RPH3AL: variants seen among roughly 807,000 people sequenced by gnomAD.
The protein encoded by RPH3AL is rab effector Noc2.
In RPH3AL, 38 loss-of-function variants were observed where a neutral mutation model predicts 43.1. The ratio of observed to expected loss-of-function variants is 0.88; its 90% CI spans 0.68 to 1.15. The LOEUF (loss-of-function observed/expected upper bound fraction) is 1.15, where lower values mean the gene tolerates loss of function less well. Among genes scored for constraint, RPH3AL ranks in the 50% most tolerant of loss-of-function variants. The probability of loss-of-function intolerance (pLI) is 0.00; values close to 1 mark genes in which losing one functional copy is unlikely to be tolerated. For synonymous variants in RPH3AL, 189 were observed against 176.3 expected (o/e 1.07, Z -0.57); for missense variants, 462 against 423.2 (o/e 1.09, Z -0.81).
At chr17:240,272 A>G (rs571041557) in intron 7 of RPH3AL, among the ~76,000 whole-genome samples, 1 of 151,646 alleles carries the variant, frequency 6.6e-6, no homozygotes, top group South Asian at 2.1e-4. Flanking sequence ...GTTGTAAGCT[A>G]TTCTCCACCT....
At chr17:325,621 C>A (rs551915686) in intron 3 of RPH3AL, among the ~76,000 whole-genome samples, 1 of 152,292 alleles carries the variant, frequency 6.6e-6, no homozygotes, top group African/African-American at 2.4e-5. Flanking sequence ...ACACCTTCAC[C>A]CACGTCCCCA....
At chr17:220,444 A>G (rs369465710) in intron 7 of RPH3AL, among the ~76,000 whole-genome samples, 4 of 104,396 alleles carry the variant, frequency 3.8e-5, no homozygotes, top group Non-Finnish European at 9.4e-5. Flanking sequence ...GAGACAATAG[A>G]CCCAAGCACA....
At chr17:315,140 C>A (rs1555518827) in intron 5 of RPH3AL, among the ~76,000 whole-genome samples, 2 of 151,018 alleles carry the variant, frequency 1.3e-5, no homozygotes, top group Admixed American at 6.6e-5. Flanking sequence ...TGTGCTCCAC[C>A]TCCATTGACC....
chr17:268,616 T>C (rs918645613), intron 6 of RPH3AL, among the ~76,000 whole-genome samples: 1 of 134,054 alleles, frequency 7.5e-6, no homozygotes, highest in Non-Finnish European at 1.6e-5. Context: ...GCTGAAGTAC[T>C]GTGGCACCAT....
In RPH3AL at chr17:327,548, C is replaced by T. The variant is rs767961222; in HGVS notation, c.-5G>A. 11 of 1,613,434 alleles carry T rather than the reference C, an allele frequency of 6.8e-6. No homozygotes were observed. The highest frequency in any genetic ancestry group is 1.7e-4 in the Middle Eastern group (1 of 6,060). ...GCCGAAGATGGTGTCGGCCATGGCT[C>T]GGAGCACCCGGCTGGGGGTGGGGAG... On this transcript the variant is annotated 5_prime_UTR_variant, in exon 3 of 10. Transcript: ENST00000331302.
intron 5 of RPH3AL, among the ~76,000 whole-genome samples, chr17:284,906 T>C (rs2151611424): frequency 6.6e-6 from 1 of 152,312 alleles, no homozygotes; most frequent in Non-Finnish European, 1.5e-5. Context: ...AGCTTCTTGC[T>C]GTACCCTCCC....
At chr17:267,637 G>T (rs1439776518) in intron 6 of RPH3AL, among the ~76,000 whole-genome samples, 1 of 152,158 alleles carries the variant, frequency 6.6e-6, no homozygotes, top group African/African-American at 2.4e-5. Context: ...TTTTGATTAC[G>T]TATTTGATTA....
intron 5 of RPH3AL, among the ~76,000 whole-genome samples, chr17:297,640 C>A (rs2043215816): frequency 6.6e-6 from 1 of 152,186 alleles, no homozygotes; most frequent in Non-Finnish European, 1.5e-5. Flanking sequence ...ATAGGAAAAA[C>A]CACTTTGCTT....
chr17:226,836 C>T (rs1171119691), intron 7 of RPH3AL, among the ~76,000 whole-genome samples: 1 of 152,218 alleles, frequency 6.6e-6, no homozygotes, highest in Non-Finnish European at 1.5e-5. Context: ...TACATCTGGC[C>T]CTTGCTCTTC....
At chr17:350,241 C>CT (rs1002026377) in intron 1 of RPH3AL, among the ~76,000 whole-genome samples, 4 of 152,188 alleles carry the variant, frequency 2.6e-5, no homozygotes, top group Non-Finnish European at 4.4e-5. Context: ...AATCCTAGCA[C>CT]TTTGGGAGGC....
chr17:309,703 T>C (rs2043596237), intron 5 of RPH3AL, among the ~76,000 whole-genome samples: 1 of 132,260 alleles, frequency 7.6e-6, no homozygotes, highest in Admixed American at 7.2e-5. Context: ...CCCAGGCTCC[T>C]GCCAGCCTCC....
chr17:317,687 A>C (rs1009641996), intron 5 of RPH3AL, among the ~76,000 whole-genome samples: 1 of 152,174 alleles, frequency 6.6e-6, no homozygotes, highest in Non-Finnish European at 1.5e-5. Context: ...CCCTTACCAC[A>C]TATGACAAAA....
intron 3 of RPH3AL, among the ~76,000 whole-genome samples, chr17:325,318 C>T (rs1215347515): frequency 6.6e-6 from 1 of 152,164 alleles, no homozygotes; most frequent in Non-Finnish European, 1.5e-5. Flanking sequence ...ACATGAAACC[C>T]TCCATCTCCC....
chr17:227,301 T>C (rs555411280), intron 7 of RPH3AL, among the ~76,000 whole-genome samples: 25 of 152,348 alleles, frequency 1.6e-4, no homozygotes, highest in Middle Eastern at 3.4e-3. Context: ...ACTGTCACCA[T>C]GGAAACGCAG....
chr17:302,423 G>A (rs368831659), intron 5 of RPH3AL, among the ~76,000 whole-genome samples: 3 of 152,204 alleles, frequency 2.0e-5, no homozygotes, highest in Non-Finnish European at 2.9e-5. Flanking sequence ...CCAAGGAGCC[G>A]TTGCAGGGAA....
At chr17:276,661 G>A (rs529526761) in intron 6 of RPH3AL, among the ~76,000 whole-genome samples, 52 of 152,120 alleles carry the variant, frequency 3.4e-4, no homozygotes, top group African/African-American at 8.5e-4. Context: ...CCAAAATGTC[G>A]GGATTACAGG....
chr17:243,301 CT>C (rs1282285876), intron 7 of RPH3AL, among the ~76,000 whole-genome samples: 8 of 144,652 alleles, frequency 5.5e-5, no homozygotes, highest in South Asian at 2.2e-4. Flanking sequence ...TATTGATTAC[CT>C]TTCCTCTACT....
intron 7 of RPH3AL, among the ~76,000 whole-genome samples, chr17:240,113 T>C (rs2041492765): frequency 6.6e-6 from 1 of 151,966 alleles, no homozygotes; most frequent in Non-Finnish European, 1.5e-5. Flanking sequence ...GGTGCAAGCC[T>C]GTAATCCCAG....
At chr17:214,557 G>C (rs1374982829) in intron 9 of RPH3AL, 1 of 152,586 alleles carries the variant, frequency 6.6e-6, no homozygotes, top group Non-Finnish European at 1.5e-5. Context: ...TTTCAGCCCA[G>C]GAGTTCGAGA....
Sources: allele counts gnomAD v4.1 joint callset (sites outside exome capture counted in the v4.1 genomes callset), GRCh38; gene constraint gnomAD v4.1.1; transcripts MANE v1.5; gene names NCBI Gene and HGNC (gene_info 2026-07-23, HGNC 2026-07-21).